The following FNDC3B variants were observed in gnomAD, a reference collection of about 807,000 sequenced individuals.
The protein encoded by FNDC3B is fibronectin type III domain-containing protein 3B.
In FNDC3B, 12 loss-of-function variants were observed where a neutral mutation model predicts 151.5. The observed-to-expected ratio is 0.08, with a 90% CI of 0.05 to 0.13. FNDC3B has a LOEUF of 0.13. FNDC3B is among the 10% of genes least tolerant of loss of function. FNDC3B has a pLI of 1.00. For synonymous variants in FNDC3B, 528 were observed against 549.0 expected (o/e 0.96, Z 0.54); for missense variants, 1,214 against 1,505.3 (o/e 0.81, Z 3.20).
Position 172,335,000 on chromosome 3 carries a change from G to C in FNDC3B, c.1698G>C (p.Thr566=), listed in dbSNP as rs139505585. The change falls in exon 15 of 26, where the codon ACG becomes ACC. Residue 566 remains threonine, a synonymous_variant. Transcript: ENST00000415807. ...KSCPSEVLVC[T]TSPDRPGPPT... ...GTCCAAGCGAAGTTCTTGTTTGTAC[G>C]ACGAGTCCTGACAGGCCTGGACCTC... 3 of 1,613,582 alleles carry C rather than the reference G, an allele frequency of 1.9e-6. No homozygotes were observed. The African/African-American group carries it at 4.0e-5, about 22-fold the overall frequency.
intron 1 of FNDC3B, chr3:172,046,875 A>G (rs990026476): frequency 3.9e-5 from 6 of 151,948 alleles, no homozygotes; most frequent in Non-Finnish European, 1.5e-5. Context: ...GGAATGTTCT[A>G]CTCTGTTCTG....
chr3:172,128,931 G>T lies in FNDC3B; in HGVS notation c.112-4540G>T, dbSNP rs139395529. On this transcript the variant is annotated intron_variant, in intron 2 of 25. Transcript: ENST00000415807. ...TTTAACGCTTAAAAATGCTGCAAGT[G>T]TACTATTTTGTCTTTGGTCAGTTGG... Among the ~76,000 whole-genome samples the T allele has an allele frequency of 7.2e-5, 11 of 152,286 alleles. No individual in the cohort carries two copies. In the East Asian group the frequency reaches 1.9e-3, roughly 27 times the overall value.
intron 3 of FNDC3B, among the ~76,000 whole-genome samples, chr3:172,150,970 A>C (rs1722190593): frequency 6.6e-6 from 1 of 152,118 alleles, no homozygotes; most frequent in African/African-American, 2.4e-5. Context: ...TTGTGTTTGC[A>C]TAATCATTTT....
intron 3 of FNDC3B, among the ~76,000 whole-genome samples, chr3:172,144,018 T>C (rs1031084565): frequency 2.0e-5 from 3 of 152,162 alleles, no homozygotes; most frequent in African/African-American, 7.2e-5. Context: ...TGAGACTGTG[T>C]AGCTTATAAG....
At position 172,385,308 on chromosome 3, in the gene FNDC3B, C is replaced by A. The variant is rs148833111; in HGVS notation, c.3303+4215C>A. On this transcript the variant is annotated intron_variant, in intron 25 of 25. Coordinates refer to ENST00000415807, the MANE Select transcript of FNDC3B (RefSeq NM_022763.4). ...ACATCCACCACAGCGGAGCTACAGG[C>A]TCACTGTGTATACCTCAATTATAGC... Among the ~76,000 whole-genome samples, 6 of 152,316 alleles carry A rather than the reference C, an allele frequency of 3.9e-5. No individual in the cohort carries two copies. The East Asian group carries it at 1.2e-3, about 29-fold the overall frequency.
intron 1 of FNDC3B, among the ~76,000 whole-genome samples, chr3:172,099,485 A>T (rs1445601613): frequency 1.3e-5 from 2 of 152,086 alleles, no homozygotes; most frequent in Non-Finnish European, 2.9e-5. Flanking sequence ...TTAGTGTTTG[A>T]TCATTTGCTT....
intron 3 of FNDC3B, among the ~76,000 whole-genome samples, chr3:172,196,730 G>A (rs749110556): frequency 2.0e-5 from 3 of 152,092 alleles, no homozygotes; most frequent in Non-Finnish European, 4.4e-5. Flanking sequence ...TCAAAGTCTT[G>A]TAATGTTAGG....
intron 3 of FNDC3B, among the ~76,000 whole-genome samples, chr3:172,151,212 G>A (rs75332783): frequency 0.018 from 2,718 of 152,268 alleles, 67 homozygotes; most frequent in African/African-American, 0.055. Flanking sequence ...CACACACTCT[G>A]TATGTGTGAG....
intron 1 of FNDC3B, among the ~76,000 whole-genome samples, chr3:172,095,788 TAAAAAAAC>T (rs578049983): frequency 5.7e-4 from 57 of 99,670 alleles, no homozygotes; most frequent in African/African-American, 2.3e-3. Flanking sequence ...TTTTCTTTGT[TAAAAAAAC>T]AAACAAACAA....
chr3:172,328,231 A>T (rs1043633901), intron 11 of FNDC3B, among the ~76,000 whole-genome samples: 6 of 152,266 alleles, frequency 3.9e-5, no homozygotes, highest in Non-Finnish European at 8.8e-5. Context: ...TGTAATATAC[A>T]TAGATTAATT....
intron 9 of FNDC3B, among the ~76,000 whole-genome samples, chr3:172,300,693 A>G (rs549984678): frequency 2.1e-4 from 32 of 152,288 alleles, no homozygotes; most frequent in Non-Finnish European, 3.5e-4. Context: ...TTTGACACAC[A>G]TGTGACACCA....
intron 6 of FNDC3B, among the ~76,000 whole-genome samples, chr3:172,274,934 G>A (rs1729363080): frequency 6.6e-6 from 1 of 152,170 alleles, no homozygotes; most frequent in South Asian, 2.1e-4. Context: ...TCCAAATATA[G>A]TCAAATTCTG....
intron 25 of FNDC3B, among the ~76,000 whole-genome samples, chr3:172,388,319 G>A (rs1053256553): frequency 9.2e-5 from 14 of 152,044 alleles, no homozygotes; most frequent in African/African-American, 3.4e-4. Context: ...CAGTTGTCTG[G>A]GTATTACTTT....
At position 172,159,238 on chromosome 3, in the gene FNDC3B, C is replaced by T. The variant is rs551543601; in HGVS notation, c.187+25692C>T. Among the ~76,000 whole-genome samples, 115 of 152,318 alleles carry T rather than the reference C, an allele frequency of 7.5e-4. 1 individual carries two copies. Among genetic ancestry groups the T allele is most frequent in the African/African-American group, 2.8e-3 (115 of 41,564 alleles). ...AGGTTGCAGTGAGCCAGGATCGCAC[C>T]ATTGCACTCCAGCCTGGGCAACAAG... On this transcript the variant is annotated intron_variant, in intron 3 of 25. Coordinates refer to ENST00000415807, the MANE Select transcript of FNDC3B (RefSeq NM_022763.4).
intron 3 of FNDC3B, among the ~76,000 whole-genome samples, chr3:172,205,874 TG>T (rs1725396533): frequency 6.6e-6 from 1 of 152,228 alleles, no homozygotes; most frequent in African/African-American, 2.4e-5. Context: ...AATTACATTG[TG>T]GTCTAGTAGA....
chr3:172,201,704 C>A (rs748356536), intron 3 of FNDC3B, among the ~76,000 whole-genome samples: 2 of 152,142 alleles, frequency 1.3e-5, no homozygotes, highest in African/African-American at 4.8e-5. Flanking sequence ...CAGACCATGG[C>A]GTGTTACAAG....
intron 3 of FNDC3B, among the ~76,000 whole-genome samples, chr3:172,209,386 G>A (rs188896561): frequency 2.4e-3 from 373 of 152,290 alleles, no homozygotes; most frequent in Non-Finnish European, 4.0e-3. Context: ...TCCACATCCA[G>A]GAAGAATGAA....
intron 2 of FNDC3B, among the ~76,000 whole-genome samples, chr3:172,130,555 G>T (rs1258180074): frequency 1.3e-5 from 2 of 152,118 alleles, no homozygotes; most frequent in Admixed American, 6.5e-5. Flanking sequence ...GACCTTAGAG[G>T]CTGGATGCCT....
chr3:172,107,170 G>T (rs531545069), intron 1 of FNDC3B, among the ~76,000 whole-genome samples: 1 of 152,284 alleles, frequency 6.6e-6, no homozygotes, highest in South Asian at 2.1e-4. Flanking sequence ...AACTAGCTGG[G>T]TGTGAAGCAC....
Sources: gnomAD v4.1 joint callset for allele counts (sites outside exome capture counted in the v4.1 genomes callset) on GRCh38, gnomAD v4.1.1 for gene constraint, MANE v1.5 for transcripts, NCBI Gene and HGNC (gene_info 2026-07-23, HGNC 2026-07-21) for gene names.